OR9G1: variants seen among roughly 807,000 people sequenced by gnomAD.
The protein encoded by OR9G1 is olfactory receptor 9G1.
Under a neutral mutation model 14.5 loss-of-function variants are expected in OR9G1, and 21 were observed. The ratio of observed to expected loss-of-function variants is 1.45; its 90% confidence interval spans 1.03 to 2.09. The LOEUF (loss-of-function observed/expected upper bound fraction) is 2.09, where lower values mean the gene tolerates loss of function less well. OR9G1 is among the 30% of genes most tolerant of loss of function. OR9G1 has a pLI of 0.00. For missense variants in OR9G1, 476 were observed against 364.2 expected (o/e 1.31, Z -2.50); for synonymous variants, 179 against 153.3 (o/e 1.17, Z -1.24).
At chr11:56,700,011 T>C (rs1194384685) in intron 1 of OR9G1, among the ~76,000 whole-genome samples, 1 of 152,310 alleles carries the variant, frequency 6.6e-6, no homozygotes, top group African/African-American at 2.4e-5. Flanking sequence ...AAAAGAGGGA[T>C]GCCCAGTATT....
Position 56,700,534 on chromosome 11 carries a change from T to C in OR9G1, c.147T>C (p.Cys49=), listed in dbSNP as rs757194240. The change falls in exon 2 of 2, where the codon TGT becomes TGC. Residue 49 remains cysteine (C), a synonymous_variant. Transcript: ENST00000642097. ...ATAGCACCCTCATCGTGTTGATCTG[T>C]AATGACTCCTGCCTCCACACACCCA... ...VGNSTLIVLI[C]NDSCLHTPMY... 1.2e-6 allele frequency: 2 copies of C among 1,614,322 alleles called. No individual in the cohort carries two copies. The highest frequency in any genetic ancestry group is 1.3e-5 in the African/African-American group (1 of 75,090).
chr11:56,700,087 AAAG>A (rs376451379), intron 1 of OR9G1, among the ~76,000 whole-genome samples: 1 of 152,284 alleles, frequency 6.6e-6, no homozygotes, highest in South Asian at 2.1e-4. Context: ...AAAATTGACA[AAAG>A]GAAGAGGATC....
In OR9G1 at chr11:56,700,876, T is replaced by C; in HGVS notation, c.489T>C (p.Phe163=). The change falls in exon 2 of 2, where the codon TTT becomes TTC. Residue 163 remains phenylalanine (F), a synonymous_variant. Coordinates refer to ENST00000642097, the MANE Select transcript of OR9G1 (RefSeq NM_001005213.2). The stretch of plus-strand genomic sequence containing the variant: ...CTTCAATCATCACCAAGAAAACGTT[T>C]TCCTTTAACTTCTGCCGTGAAAACA... ...INSSIITKKT[F]SFNFCRENII... The C allele has an allele frequency of 6.2e-7, 1 of 1,614,258 alleles. No homozygotes were observed.
chr11:56,700,890 G>T lies in OR9G1; in HGVS notation c.503G>T (p.Cys168Phe), dbSNP rs746834412. The T allele has an allele frequency of 1.9e-6, 3 of 1,614,264 alleles. No homozygotes were observed. In the South Asian group the frequency reaches 3.3e-5, roughly 18 times the overall value. ...AAGAAAACGTTTTCCTTTAACTTCT[G>T]CCGTGAAAACATCATTGATGACTTT... ...ITKKTFSFNF[C>F]RENIIDDFFC... The change falls in exon 2 of 2, where the codon TGC becomes TTC. Residue 168 changes from cysteine (C) to phenylalanine (F), a missense_variant. Physicochemically the swap from Cys to Phe is radical, Grantham distance 205. Around this residue, in one of 3 missense-constraint regions of OR9G1, gnomAD observed 352 missense variants for 211.6 expected, o/e 1.66. Coordinates refer to ENST00000642097, the MANE Select transcript of OR9G1 (RefSeq NM_001005213.2).
Position 56,703,418 on chromosome 11 carries a change from A to G in OR9G1, c.*2113A>G, listed in dbSNP as rs77211749. ...CAGCCGTTCTAAAAAGGAACGCTAT[A>G]TATGCCAACTCAGTCTTCTGGTTTT... On this transcript the variant is annotated 3_prime_UTR_variant, in exon 2 of 2. Transcript: ENST00000642097. The G allele has an allele frequency of 5.9e-5, 8 of 135,192 alleles. No homozygotes were observed. In the Admixed American group the frequency reaches 5.9e-4, roughly 10 times the overall value. The allele number at this position is 135,192 out of a possible 1,614,324, so 8.4% of individuals were successfully genotyped here. A position where few individuals can be genotyped will look rare whatever the true frequency, so the allele number is the denominator to read the frequency against.
At chr11:56,700,264 T>G in intron 1 of OR9G1, 106 bp from the exon 2 acceptor site, 4 of 1,446,566 alleles carry the variant, frequency 2.8e-6, no homozygotes, top group Non-Finnish European at 3.7e-6. Flanking sequence ...AACAATTAGA[T>G]TGTTGGTTCT....
Position 56,701,024 on chromosome 11 carries a change from A to T in OR9G1, c.637A>T (p.Ile213Phe), listed in dbSNP as rs753747851. The T allele has an allele frequency of 1.7e-5, 28 of 1,614,182 alleles. No individual in the cohort carries two copies. Among genetic ancestry groups the T allele is most frequent in the Admixed American group, 3.3e-5 (2 of 60,030 alleles). Residue 213 changes from isoleucine (I) to phenylalanine (F), a missense_variant, in exon 2 of 2, where the codon ATC becomes TTC. Ile to Phe is a conservative substitution (Grantham distance 21). Coordinates refer to ENST00000642097, the MANE Select transcript of OR9G1 (RefSeq NM_001005213.2). Reference sequence around the variant, plus strand: ...CAATGTCATCTGCCCCGCAGTGCTCATCCTGGCCTCCTACCTCTTTATCAT... The same window carrying T: ...CAATGTCATCTGCCCCGCAGTGCTCTTCCTGGCCTCCTACCTCTTTATCAT... The part of the protein sequence containing the change: ...ASNVICPAVL[I>F]LASYLFIITS...
chr11:56,701,076 CCA>C lies in OR9G1; in HGVS notation c.690_691del (p.Lys231GlyfsTer33). The C allele has an allele frequency of 6.2e-7, 1 of 1,614,300 alleles. No individual in the cohort carries two copies. Among genetic ancestry groups the C allele is most frequent in the East Asian group, 2.2e-5 (1 of 44,894 alleles). ...ACCAGTGTCTTGAGGATCTCCTCCT[CCA>C]AGGGCTACCTCAAAGCCTTCTCCAC... is the stretch of plus-strand genomic sequence containing the variant. On this transcript the variant is annotated frameshift_variant, in exon 2 of 2. Transcript: ENST00000642097. LOFTEE classifies it high-confidence loss of function.
At position 56,700,565 on chromosome 11, in the gene OR9G1, T is replaced by G. The variant is rs1410354626; in HGVS notation, c.178T>G (p.Phe60Val). ...CTCCTGCCTCCACACACCCATGTAT[T>G]TTTTCACTGGAAATCTGTCGTTTCT... ...NDSCLHTPMY[F>V]FTGNLSFLDL... The change falls in exon 2 of 2, where the codon TTT (phenylalanine) becomes GTT (valine). Residue 60 changes from phenylalanine (F) to valine (V), a missense_variant. Around this residue, in one of 3 missense-constraint regions of OR9G1, gnomAD observed 89 missense variants for 85.1 expected, o/e 1.05. Transcript: ENST00000642097. 1.9e-6 allele frequency: 3 copies of G among 1,614,196 alleles called. No individual in the cohort carries two copies.
At chr11:56,699,801 G>C (rs115591212) in intron 1 of OR9G1, among the ~76,000 whole-genome samples, 1,384 of 152,110 alleles carry the variant, frequency 9.1e-3, no homozygotes, top group African/African-American at 0.032. Context: ...TGTGTACTTC[G>C]TAATTTCATC....
At position 56,702,554 on chromosome 11, in the gene OR9G1, G is replaced by A. The variant is rs1243025592; in HGVS notation, c.*1249G>A. 1 of 152,240 alleles carries A rather than the reference G, an allele frequency of 6.6e-6. No individual in the cohort carries two copies. The highest frequency in any genetic ancestry group is 1.5e-5 in the Non-Finnish European group (1 of 68,038). The allele number at this position is 152,240 out of a possible 1,614,324, so 9.4% of individuals were successfully genotyped here. Reference sequence around the variant, plus strand: ...CCCTTTACTCCACATCCTGGCCAATGCTTGATAATTTTCATCTTTTTGATA... The same window carrying A: ...CCCTTTACTCCACATCCTGGCCAATACTTGATAATTTTCATCTTTTTGATA... On this transcript the variant is annotated 3_prime_UTR_variant, in exon 2 of 2. Coordinates refer to ENST00000642097, the MANE Select transcript of OR9G1 (RefSeq NM_001005213.2).
chr11:56,701,054 AG>A lies in OR9G1; in HGVS notation c.668del (p.Ser223MetfsTer3). On this transcript the variant is annotated frameshift_variant, in exon 2 of 2. Transcript: ENST00000642097. LOFTEE classifies it high-confidence loss of function. Reference protein sequence around the residue: ...ILASYLFIITSVLRISSSKGY... With the variant: ...ILASYLFIITXVLRISSSKGY... The stretch of plus-strand genomic sequence containing the variant: ...GGCCTCCTACCTCTTTATCATCACC[AG>A]TGTCTTGAGGATCTCCTCCTCCAAG... 1 of 1,614,318 alleles carries A rather than the reference AG, an allele frequency of 6.2e-7. No individual in the cohort carries two copies. Among genetic ancestry groups the A allele is most frequent in the Middle Eastern group, 1.6e-4 (1 of 6,062 alleles).
rs1371776273 is a variant in OR9G1 at position 56,700,953 on chromosome 11, G to A, written c.566G>A (p.Gly189Asp). 6.2e-7 allele frequency: 1 copy of A among 1,614,254 alleles called. No homozygotes were observed. The highest frequency in any genetic ancestry group is 2.2e-5 in the East Asian group (1 of 44,896). Residue 189 changes from glycine to aspartate, a missense_variant, in exon 2 of 2, where the codon GGC (glycine) becomes GAC (aspartate). Around this residue, in one of 3 missense-constraint regions of OR9G1, gnomAD observed 352 missense variants for 211.6 expected, o/e 1.66. Coordinates refer to ENST00000642097, the MANE Select transcript of OR9G1 (RefSeq NM_001005213.2). The stretch of plus-strand genomic sequence containing the variant: ...CTTCCCTTGGTGGAGCTGGCCTGTG[G>A]CGAGAAGGGCGGCTATAAAATTATG... ...DLLPLVELAC[G>D]EKGGYKIMMY...
rs373924738 is a variant in OR9G1 at position 56,701,058 on chromosome 11, T to G, written c.671T>G (p.Val224Gly). 1 of 1,614,200 alleles carries G rather than the reference T, an allele frequency of 6.2e-7. No individual in the cohort carries two copies. Among genetic ancestry groups the G allele is most frequent in the Non-Finnish European group, 8.5e-7 (1 of 1,180,066 alleles). Residue 224 changes from valine (V) to glycine (G), a missense_variant, in exon 2 of 2, where the codon GTC (valine) becomes GGC (glycine). Physicochemically the swap from Val to Gly is moderately radical, Grantham distance 109. Coordinates refer to ENST00000642097, the MANE Select transcript of OR9G1 (RefSeq NM_001005213.2). ...TCCTACCTCTTTATCATCACCAGTG[T>G]CTTGAGGATCTCCTCCTCCAAGGGC... Reference protein sequence around the residue: ...LASYLFIITSVLRISSSKGYL... With the variant: ...LASYLFIITSGLRISSSKGYL...
At position 56,700,575 on chromosome 11, in the gene OR9G1, G is replaced by A. The variant is rs1438577186; in HGVS notation, c.188G>A (p.Gly63Glu). The change falls in exon 2 of 2, where the codon GGA becomes GAA. Residue 63 changes from glycine (G) to glutamate (E), a missense_variant. Coordinates refer to ENST00000642097, the MANE Select transcript of OR9G1 (RefSeq NM_001005213.2). ...CACACACCCATGTATTTTTTCACTG[G>A]AAATCTGTCGTTTCTGGATCTCTGG... is the stretch of plus-strand genomic sequence containing the variant. ...CLHTPMYFFT[G>E]NLSFLDLWYS... 3 of 1,614,310 alleles carry A rather than the reference G, an allele frequency of 1.9e-6. No individual in the cohort carries two copies. The highest frequency in any genetic ancestry group is 3.3e-4 in the Middle Eastern group (2 of 6,062).
At position 56,699,475 on chromosome 11, in the gene OR9G1, G is replaced by GAT. The variant is rs1388081529; in HGVS notation, c.-19+286_-19+287insTA. 2.0e-5 allele frequency among the ~76,000 whole-genome samples: 3 copies of GAT among 152,308 alleles called. No individual in the cohort carries two copies. The East Asian group carries it at 5.8e-4, about 29-fold the overall frequency. On this transcript the variant is annotated intron_variant, in intron 1 of 1. Coordinates refer to ENST00000642097, the MANE Select transcript of OR9G1 (RefSeq NM_001005213.2). ...GAGTGTTTTTCCTAGGTCCCAAGAGGAAGATCATACAAATACAAATCATGT... is the reference window on the plus strand; with the variant it reads ...GAGTGTTTTTCCTAGGTCCCAAGAGGATAAGATCATACAAATACAAATCATGT...
Position 56,701,187 on chromosome 11 carries a change from T to A in OR9G1, c.800T>A (p.Phe267Tyr), listed in dbSNP as rs1273571708. The change falls in exon 2 of 2, where the codon TTT becomes TAT. Residue 267 changes from phenylalanine to tyrosine, a missense_variant. This residue lies in a region of OR9G1 where 352 missense variants were observed against 211.6 expected (regional missense o/e 1.66). Coordinates refer to ENST00000642097, the MANE Select transcript of OR9G1 (RefSeq NM_001005213.2). ...GCTCTCCCCAGATCTAGCTATTCTT[T>A]TGATATGGACAAAATAGTTTCTACA... is the stretch of plus-strand genomic sequence containing the variant. ...IYALPRSSYS[F>Y]DMDKIVSTFY... 6.2e-7 allele frequency: 1 copy of A among 1,614,186 alleles called. No homozygotes were observed. The highest frequency in any genetic ancestry group is 2.2e-5 in the East Asian group (1 of 44,906).
chr11:56,701,588 T>G lies in OR9G1; in HGVS notation c.*283T>G. ...TAAAGTGAGGAACAGCCTACCTCAT[T>G]AGCCTAAGATTTGGCTAACTGATAC... On this transcript the variant is annotated 3_prime_UTR_variant, in exon 2 of 2. Coordinates refer to ENST00000642097, the MANE Select transcript of OR9G1 (RefSeq NM_001005213.2). 2.3e-6 allele frequency: 1 copy of G among 444,222 alleles called. No individual in the cohort carries two copies. The highest frequency in any genetic ancestry group is 3.9e-6 in the Non-Finnish European group (1 of 257,530). 27.5% of individuals were successfully genotyped at this position (444,222 alleles called of 1,614,324 possible).
chr11:56,699,606 T>C (rs532029109), intron 1 of OR9G1, among the ~76,000 whole-genome samples: 68 of 151,102 alleles, frequency 4.5e-4, no homozygotes, highest in Admixed American at 7.3e-4. Context: ...GCTAGATATA[T>C]TTTGCTCTAC....
Sources: allele counts gnomAD v4.1 joint callset (sites outside exome capture counted in the v4.1 genomes callset), GRCh38; gene constraint gnomAD v4.1.1; regional missense constraint gnomAD v4.1.1; transcripts MANE v1.5; gene names NCBI Gene and HGNC (gene_info 2026-07-23, HGNC 2026-07-21).